The following FARS2 variants were observed in gnomAD, a reference collection of about 807,000 sequenced individuals.
FARS2 encodes the protein phenylalanine--tRNA ligase, mitochondrial.
FARS2 carries 40 observed loss-of-function variants against 46.4 expected under a neutral mutation model. That is an observed-to-expected ratio of 0.86 (90% confidence interval 0.67 to 1.12). The LOEUF is 1.12. Among genes scored for constraint, FARS2 ranks in the 50% most tolerant of loss-of-function variants. The pLI, the probability that FARS2 is intolerant of heterozygous loss-of-function variation, is 0.00. For missense variants in FARS2, 513 were observed against 567.9 expected, an observed-to-expected ratio of 0.90 and a Z score of 0.98; for synonymous variants, 234 against 214.9, an observed-to-expected ratio of 1.09 and a Z score of -0.78.
Position 5,732,145 on chromosome 6 carries a change from G to A in FARS2, c.1218-39146G>A, listed in dbSNP as rs1259519994. Among the ~76,000 whole-genome samples the A allele has an allele frequency of 3.3e-5, 5 of 152,320 alleles. No individual in the cohort carries two copies. In the South Asian group the frequency reaches 1.0e-3, roughly 32 times the overall value. The stretch of plus-strand genomic sequence containing the variant: ...TAAATAACACAGCAAACATTGCTCA[G>A]CACCTGCTATGTACCAGCCACTATG... On this transcript the variant is annotated intron_variant, in intron 6 of 6. Coordinates refer to ENST00000274680, the MANE Select transcript of FARS2 (RefSeq NM_006567.5).
chr6:5,250,530 A>G, the FARS2 span, among the ~76,000 whole-genome samples: 1 of 151,812 alleles, frequency 6.6e-6, no homozygotes, highest in African/African-American at 2.4e-5. Flanking sequence ...AGAGAAAAAA[A>G]TGTTTTTTGG....
In FARS2 at chr6:5,351,698, G is replaced by C. The variant is rs150079459; in HGVS notation, c.-21-16852G>C. Among the ~76,000 whole-genome samples, 128 of 152,248 alleles carry C rather than the reference G, an allele frequency of 8.4e-4. 1 individual carries two copies. Among genetic ancestry groups the C allele is most frequent in the African/African-American group, 3.0e-3 (125 of 41,534 alleles). On this transcript the variant is annotated intron_variant, in intron 1 of 6. Coordinates refer to ENST00000274680, the MANE Select transcript of FARS2 (RefSeq NM_006567.5). The stretch of plus-strand genomic sequence containing the variant: ...CTTCTGGTATTTTTTTATAGCATAA[G>C]ACACACCTACGTACATACAAAATAA...
chr6:5,561,121 C>A (rs1233929074), intron 5 of FARS2, among the ~76,000 whole-genome samples: 1 of 152,080 alleles, frequency 6.6e-6, no homozygotes, highest in East Asian at 1.9e-4. Flanking sequence ...ACAGAACAAG[C>A]CTCCGTCTCA....
intron 1 of FARS2, among the ~76,000 whole-genome samples, chr6:5,307,796 A>G (rs778562408): frequency 2.0e-5 from 3 of 151,024 alleles, no homozygotes; most frequent in Non-Finnish European, 4.4e-5. Flanking sequence ...ACCTGCCAGC[A>G]TCTCGGTGGG....
chr6:5,394,830 T>C (rs1562008885), intron 2 of FARS2, among the ~76,000 whole-genome samples: 2 of 152,148 alleles, frequency 1.3e-5, no homozygotes, highest in Non-Finnish European at 2.9e-5. Flanking sequence ...AGATTTTTTT[T>C]CTTGATGCTC....
At chr6:5,495,932 G>T (rs1434408811) in intron 4 of FARS2, among the ~76,000 whole-genome samples, 1 of 152,116 alleles carries the variant, frequency 6.6e-6, no homozygotes, top group Non-Finnish European at 1.5e-5. Flanking sequence ...TCAGTATCAC[G>T]ATGCCCTGCC....
intron 4 of FARS2, among the ~76,000 whole-genome samples, chr6:5,506,357 A>G (rs572281786): frequency 3.1e-4 from 47 of 152,324 alleles, no homozygotes; most frequent in African/African-American, 1.1e-3. Context: ...AGGCCAGCAG[A>G]ATAGAGGAAC....
At chr6:5,609,431 A>G in intron 5 of FARS2, 1 of 1,244,640 alleles carries the variant, frequency 8.0e-7, no homozygotes, top group Non-Finnish European at 1.2e-6. Context: ...CACCTCCAAA[A>G]TAGCTTCCAT....
At chr6:5,687,311 C>T (rs1757314594) in intron 6 of FARS2, among the ~76,000 whole-genome samples, 1 of 152,174 alleles carries the variant, frequency 6.6e-6, no homozygotes, top group Non-Finnish European at 1.5e-5. Context: ...AGGTTTTCTT[C>T]TAGGGTTTTT....
At chr6:5,523,612 C>G (rs1769281920) in intron 4 of FARS2, among the ~76,000 whole-genome samples, 5 of 152,156 alleles carry the variant, frequency 3.3e-5, no homozygotes, top group Admixed American at 3.3e-4. Context: ...TGCATCAGAC[C>G]TTATGCATAG....
intron 6 of FARS2, among the ~76,000 whole-genome samples, chr6:5,667,030 G>A (rs959955385): frequency 2.6e-5 from 4 of 152,118 alleles, no homozygotes; most frequent in Non-Finnish European, 5.9e-5. Context: ...CAAACACATG[G>A]ACACATACTG....
At chr6:5,316,827 G>A (rs1769552561) in intron 1 of FARS2, among the ~76,000 whole-genome samples, 1 of 152,136 alleles carries the variant, frequency 6.6e-6, no homozygotes, top group Non-Finnish European at 1.5e-5. Context: ...ACAAAAGCCT[G>A]CTCTCAAACT....
At chr6:5,576,918 T>A (rs1773020513) in intron 5 of FARS2, among the ~76,000 whole-genome samples, 2 of 152,182 alleles carry the variant, frequency 1.3e-5, no homozygotes, top group South Asian at 4.1e-4. Flanking sequence ...CCTTTTGATG[T>A]CTCCATGATT....
intron 1 of FARS2, chr6:5,291,468 A>G (rs1048694574): frequency 6.6e-6 from 1 of 152,236 alleles, no homozygotes; most frequent in Non-Finnish European, 1.5e-5. Context: ...TAAACTATCC[A>G]ATTTGGGGGA....
At chr6:5,264,703 G>A (rs1001879884) in intron 1 of FARS2, among the ~76,000 whole-genome samples, 3 of 151,778 alleles carry the variant, frequency 2.0e-5, no homozygotes, top group Admixed American at 6.6e-5. Context: ...CACCGCGCCC[G>A]GCCCATAAGT....
At chr6:5,310,479 A>G (rs191223540) in intron 1 of FARS2, among the ~76,000 whole-genome samples, 5 of 152,258 alleles carry the variant, frequency 3.3e-5, no homozygotes, top group Admixed American at 3.3e-4. Flanking sequence ...CATATGACCA[A>G]GAAAGAGTTG....
chr6:5,679,551 C>T (rs2103566), intron 6 of FARS2, among the ~76,000 whole-genome samples: 137,150 of 152,222 alleles, frequency 0.9, 62,628 homozygotes, highest in East Asian at 1. Flanking sequence ...GTCCACAATA[C>T]TGATCGCCTT....
intron 4 of FARS2, among the ~76,000 whole-genome samples, chr6:5,512,087 G>A (rs1364456943): frequency 6.6e-6 from 1 of 152,146 alleles, no homozygotes; most frequent in Non-Finnish European, 1.5e-5. Flanking sequence ...CCCAGTAAAT[G>A]CAACCACAAG....
At chr6:5,300,130 A>G (rs1335175959) in intron 1 of FARS2, among the ~76,000 whole-genome samples, 1 of 152,176 alleles carries the variant, frequency 6.6e-6, no homozygotes, top group Non-Finnish European at 1.5e-5. Context: ...AGGATGTAGG[A>G]TCCCTGGTAG....
Sources: gnomAD v4.1 joint callset for allele counts (sites outside exome capture counted in the v4.1 genomes callset) on GRCh38, gnomAD v4.1.1 for gene constraint, MANE v1.5 for transcripts, NCBI Gene and HGNC (gene_info 2026-07-23, HGNC 2026-07-21) for gene names.